FOXO1: variants seen among roughly 807,000 people sequenced by gnomAD.
The protein encoded by FOXO1 is forkhead box protein O1.
A neutral mutation model predicts 44.1 loss-of-function variants in FOXO1; 6 were observed. The observed-to-expected ratio is 0.14, with a 90% CI of 0.07 to 0.27. The LOEUF (loss-of-function observed/expected upper bound fraction) is 0.27, where lower values mean the gene tolerates loss of function less well. Ranked by LOEUF, FOXO1 falls within the 10% of genes least tolerant of loss-of-function variation. The pLI, the probability that FOXO1 is intolerant of heterozygous loss-of-function variation, is 1.00. For missense variants in FOXO1, 737 were observed against 888.8 expected (o/e 0.83, Z 2.17); for synonymous variants, 380 against 362.7 (o/e 1.05, Z -0.54).
chr13:40,584,008 C>A (rs1875052993), intron 1 of FOXO1, among the ~76,000 whole-genome samples: 1 of 152,028 alleles, frequency 6.6e-6, no homozygotes, highest in Admixed American at 6.6e-5. Context: ...CATGTAGAAG[C>A]CATTGTGGGG....
chr13:40,574,044 G>A (rs1303025674), intron 1 of FOXO1, among the ~76,000 whole-genome samples: 1 of 152,152 alleles, frequency 6.6e-6, no homozygotes, highest in East Asian at 1.9e-4. Context: ...CTCCAAAAGG[G>A]AACTGAATAT....
chr13:40,627,039 C>T (rs1431911550), intron 1 of FOXO1, among the ~76,000 whole-genome samples: 1 of 152,204 alleles, frequency 6.6e-6, no homozygotes, highest in Non-Finnish European at 1.5e-5. Flanking sequence ...CTTTAAACCT[C>T]CCTGCTCTTT....
At chr13:40,623,213 G>A (rs540233416) in intron 1 of FOXO1, among the ~76,000 whole-genome samples, 18 of 151,848 alleles carry the variant, frequency 1.2e-4, no homozygotes, top group Admixed American at 3.9e-4. Flanking sequence ...GATGCATTTC[G>A]CTCCAGGCCA....
intron 1 of FOXO1, among the ~76,000 whole-genome samples, chr13:40,623,303 G>T (rs1471936626): frequency 6.6e-6 from 1 of 152,060 alleles, no homozygotes; most frequent in African/African-American, 2.4e-5. Flanking sequence ...GTCCGTGTGG[G>T]GCATTAGTTA....
intron 1 of FOXO1, among the ~76,000 whole-genome samples, chr13:40,599,350 C>T (rs1875733514): frequency 6.6e-6 from 1 of 152,186 alleles, no homozygotes; most frequent in African/African-American, 2.4e-5. Flanking sequence ...CATGCCAGGC[C>T]TTGCCCTCAG....
chr13:40,621,176 A>T, intron 1 of FOXO1: 1 of 541,946 alleles, frequency 1.8e-6, no homozygotes, highest in Non-Finnish European at 3.4e-6. Context: ...ATAGTGAACC[A>T]GGTAAAATCT....
At chr13:40,657,125 C>T (rs1440430406) in intron 1 of FOXO1, among the ~76,000 whole-genome samples, 1 of 152,108 alleles carries the variant, frequency 6.6e-6, no homozygotes, top group Non-Finnish European at 1.5e-5. Context: ...TGCCAGTCCA[C>T]CATCCCAAAA....
Position 40,621,302 on chromosome 13 carries a change from G to A in FOXO1, c.630+44281C>T, listed in dbSNP as rs370163584. ...GGCTCTCAGAGAATTTCACTTGTCCGATCTGTCAGCAGCCTGTTTTAGGGT... is the reference window on the plus strand; with the variant it reads ...GGCTCTCAGAGAATTTCACTTGTCCAATCTGTCAGCAGCCTGTTTTAGGGT... On this transcript the variant is annotated intron_variant, in intron 1 of 2. Transcript: ENST00000379561. The A allele has an allele frequency of 1.5e-5, 11 of 719,198 alleles. No individual in the cohort carries two copies. The African/African-American group carries it at 1.7e-4, about 11-fold the overall frequency. The allele number at this position is 719,198 out of a possible 1,614,324, so 44.6% of individuals were successfully genotyped here.
At chr13:40,576,722 C>T (rs1874760291) in intron 1 of FOXO1, among the ~76,000 whole-genome samples, 1 of 152,228 alleles carries the variant, frequency 6.6e-6, no homozygotes, top group South Asian at 2.1e-4. Context: ...TGTTTTCAAA[C>T]TTACGGCATA....
intron 1 of FOXO1, chr13:40,619,208 C>T (rs760836220): frequency 2.0e-5 from 7 of 357,752 alleles, no homozygotes; most frequent in Admixed American, 1.6e-4. Flanking sequence ...GCAGGAGAAT[C>T]GCTTGAATCT....
At chr13:40,598,190 T>C (rs1262283481) in intron 1 of FOXO1, among the ~76,000 whole-genome samples, 1 of 152,146 alleles carries the variant, frequency 6.6e-6, no homozygotes, top group Non-Finnish European at 1.5e-5. Flanking sequence ...CATGGTTAAG[T>C]GAGCAGACAG....
At position 40,559,830 on chromosome 13, in the gene FOXO1, C is replaced by A. The variant is rs139398811; in HGVS notation, c.1661G>T (p.Arg554Leu). ...STMPHTSGMN[R>L]LTQVKTPVQV... is the part of the protein sequence containing the mutation. The stretch of plus-strand genomic sequence containing the variant: ...TACAGGTGTCTTCACTTGGGTCAGG[C>A]GGTTCATACCCGAGGTGTGGGGCAT... Residue 554 changes from arginine (R) to leucine (L), a missense_variant, in exon 2 of 3, where the codon CGC becomes CTC. By Grantham distance (102) the Arg-to-Leu change is moderately radical (BLOSUM62 -2). This residue lies in a region of FOXO1 where 283 missense variants were observed against 278.1 expected (regional missense o/e 1.02). Transcript: ENST00000379561. 6.2e-7 allele frequency: 1 copy of A among 1,613,908 alleles called. No individual in the cohort carries two copies. The highest frequency in any genetic ancestry group is 8.5e-7 in the Non-Finnish European group (1 of 1,179,930).
At chr13:40,641,505 T>C (rs1181855006) in intron 1 of FOXO1, among the ~76,000 whole-genome samples, 1 of 152,046 alleles carries the variant, frequency 6.6e-6, no homozygotes, top group South Asian at 2.1e-4. Flanking sequence ...TACCATAGGA[T>C]TGTCAGTATG....
At chr13:40,620,185 T>A in intron 1 of FOXO1, 2 of 1,565,180 alleles carry the variant, frequency 1.3e-6, no homozygotes, top group Non-Finnish European at 1.8e-6. Flanking sequence ...ATCCAGCAGA[T>A]CCTCAACTGC....
intron 1 of FOXO1, among the ~76,000 whole-genome samples, chr13:40,604,043 G>A (rs1421360947): frequency 2.0e-5 from 3 of 152,106 alleles, no homozygotes. Context: ...AGCAGATGAT[G>A]GTGTCGCCAC....
chr13:40,597,204 C>T lies in FOXO1; in HGVS notation c.631-36344G>A, dbSNP rs549872395. Among the ~76,000 whole-genome samples, 13 of 152,302 alleles carry T rather than the reference C, an allele frequency of 8.5e-5. No homozygotes were observed. In the East Asian group the frequency reaches 2.5e-3, roughly 29 times the overall value. On this transcript the variant is annotated intron_variant, in intron 1 of 2. Coordinates refer to ENST00000379561, the MANE Select transcript of FOXO1 (RefSeq NM_002015.4). Reference sequence around the variant, plus strand: ...CTTTAATATCTAGTCTTTCCTTATACATTCTCAATCAATCACCACCATAAC... The same window carrying T: ...CTTTAATATCTAGTCTTTCCTTATATATTCTCAATCAATCACCACCATAAC...
chr13:40,625,586 G>C (rs1005865472), intron 1 of FOXO1, among the ~76,000 whole-genome samples: 1 of 151,442 alleles, frequency 6.6e-6, no homozygotes, highest in African/African-American at 2.4e-5. Context: ...CAATTACAAA[G>C]AGAGTCTAGG....
At chr13:40,605,209 G>A (rs1875951513) in intron 1 of FOXO1, among the ~76,000 whole-genome samples, 1 of 151,962 alleles carries the variant, frequency 6.6e-6, no homozygotes, top group Admixed American at 6.6e-5. Flanking sequence ...ATAAAACACA[G>A]TTACTAACAA....
intron 1 of FOXO1, among the ~76,000 whole-genome samples, chr13:40,612,267 C>T (rs952010694): frequency 6.6e-6 from 1 of 152,064 alleles, no homozygotes; most frequent in African/African-American, 2.4e-5. Flanking sequence ...TGGATCTCCC[C>T]AACAAAATCC....
Sources: gnomAD v4.1 joint callset for allele counts (sites outside exome capture counted in the v4.1 genomes callset) on GRCh38, gnomAD v4.1.1 for gene constraint, gnomAD v4.1.1 regional missense constraint, MANE v1.5 for transcripts, NCBI Gene and HGNC (gene_info 2026-07-23, HGNC 2026-07-21) for gene names.